The following NDST2 variants were observed in gnomAD, a reference collection of about 807,000 sequenced individuals.
NDST2 encodes bifunctional heparan sulfate N-deacetylase/N-sulfotransferase 2.
A neutral mutation model predicts 86.9 loss-of-function variants in NDST2; 32 were observed. The observed-to-expected ratio is 0.37, with a 90% CI of 0.28 to 0.49. NDST2 has a LOEUF of 0.49. Ranked by LOEUF, NDST2 falls within the 20% of genes least tolerant of loss-of-function variation. The pLI is 0.97. For missense variants in NDST2, 950 were observed against 1,146.9 expected, an observed-to-expected ratio of 0.83 and a Z score of 2.48; for synonymous variants, 409 against 437.0, an observed-to-expected ratio of 0.94 and a Z score of 0.80.
Position 73,807,893 on chromosome 10 carries a change from C to T in NDST2, c.496G>A (p.Val166Met). The change falls in exon 3 of 15, where the codon GTG becomes ATG. Residue 166 changes from valine to methionine, a missense_variant. By Grantham distance (21) the Val-to-Met change is conservative (BLOSUM62 1). Transcript: ENST00000309979. Reference sequence around the variant, plus strand: ...GCTCGGAAAAAGCCAATGATGCCCACACCATACTCCACGCAGTACCGGTCT... The same window carrying T: ...GCTCGGAAAAAGCCAATGATGCCCATACCATACTCCACGCAGTACCGGTCT... ...LLDRYCVEYG[V>M]GIIGFFRAHE... 1 of 1,614,172 alleles carries T rather than the reference C, an allele frequency of 6.2e-7. No individual in the cohort carries two copies. The highest frequency in any genetic ancestry group is 8.5e-7 in the Non-Finnish European group (1 of 1,180,018).
intron 2 of NDST2, 162 bp downstream of exon 2, chr10:73,810,637 C>T (rs550952759): frequency 7.7e-6 from 3 of 390,102 alleles, no homozygotes; most frequent in Non-Finnish European, 1.4e-5. Flanking sequence ...GAAGTTGATA[C>T]TCAGGGTGTA....
At position 73,806,448 on chromosome 10, in the gene NDST2, C is replaced by T. The variant is rs750801095; in HGVS notation, c.1275G>A (p.Gly425=). The T allele has an allele frequency of 1.9e-6, 3 of 1,601,146 alleles. No homozygotes were observed. Among genetic ancestry groups the T allele is most frequent in the Non-Finnish European group, 2.6e-6 (3 of 1,172,086 alleles). The change falls in exon 6 of 15, where the codon GGG becomes GGA. Residue 425 remains glycine, a synonymous_variant. Transcript: ENST00000309979. This position sits in a 1 kb window ranked among gnomAD's most constrained non-coding sequence, Gnocchi z 4.5. The stretch of plus-strand genomic sequence containing the variant: ...CCGAGTGGTGGGGGGCCACAGCATA[C>T]CCCAGGTCCGTGGGAATCCCATGCT... The part of the protein sequence containing the change: ...ALEHGIPTDL[G]YAVAPHHSGV...
intron 1 of NDST2, 64 bp from the exon 2 acceptor site, chr10:73,810,967 A>C (rs1259146051): frequency 1.5e-5 from 6 of 396,070 alleles, no homozygotes; most frequent in Non-Finnish European, 8.9e-6. Flanking sequence ...GCCAGTGAAC[A>C]CTGAGGGCCA....
Position 73,803,682 on chromosome 10 carries a change from G to C in NDST2, c.2034C>G (p.Thr678=), listed in dbSNP as rs747507561. The C allele has an allele frequency of 4.1e-5, 66 of 1,614,032 alleles. No individual in the cohort carries two copies. The highest frequency in any genetic ancestry group is 5.3e-5 in the Non-Finnish European group (62 of 1,180,046). ...GTGGTACAACTTCAGAGTCAAAGTA[G>C]GTGGCACTTTTTTCAAATAGGAAAT... The part of the protein sequence containing the change: ...STDFLFEKSA[T]YFDSEVVPRR... Residue 678 remains threonine (T), a synonymous_variant, in exon 11 of 15, where the codon ACC becomes ACG. Coordinates refer to ENST00000309979, the MANE Select transcript of NDST2 (RefSeq NM_003635.4).
At chr10:73,810,604 T>G (rs1423385989) in intron 2 of NDST2, 195 bp downstream of exon 2, 5 of 387,170 alleles carry the variant, frequency 1.3e-5, no homozygotes, top group Non-Finnish European at 2.3e-5. Flanking sequence ...GAGAAAACAT[T>G]GTAGTGAGGA....
In NDST2 at chr10:73,807,630, T is replaced by C; in HGVS notation, c.759A>G (p.Pro253=). The C allele has an allele frequency of 6.2e-7, 1 of 1,614,240 alleles. No homozygotes were observed. Among genetic ancestry groups the C allele is most frequent in the Non-Finnish European group, 8.5e-7 (1 of 1,180,036 alleles). ...ASLRPAEPAV[P]GPVLRRARLP... is the part of the protein sequence containing the mutation. ...GCCGGGCCCGACGAAGAACTGGTCC[T>C]GGCACTGCGGGCTCAGCTGGCCGAA... The change falls in exon 3 of 15, where the codon CCA becomes CCG. Residue 253 remains proline (P), a synonymous_variant. Coordinates refer to ENST00000309979, the MANE Select transcript of NDST2 (RefSeq NM_003635.4).
chr10:73,808,517 GT>G lies in NDST2; in HGVS notation c.-130del, dbSNP rs1224876842. ...TAGGGGACAGGGATTCCCTTGGGGA[GT>G]TTCCTTTACGAGGTGGAGACGAGTC... On this transcript the variant is annotated 5_prime_UTR_variant, in exon 3 of 15. Coordinates refer to ENST00000309979, the MANE Select transcript of NDST2 (RefSeq NM_003635.4). The surrounding 1 kb of genome is among the most constrained non-coding windows in gnomAD (Gnocchi z 4.3). 5 of 974,808 alleles carry G rather than the reference GT, an allele frequency of 5.1e-6. No individual in the cohort carries two copies. In the African/African-American group the frequency reaches 8.2e-5, roughly 16 times the overall value. 60.4% of individuals were successfully genotyped at this position (974,808 alleles called of 1,614,324 possible).
At position 73,802,117 on chromosome 10, in the gene NDST2, A is replaced by G. The variant is rs1210431405; in HGVS notation, c.*334T>C. The G allele has an allele frequency of 7.3e-6, 3 of 412,978 alleles. No homozygotes were observed. The highest frequency in any genetic ancestry group is 4.0e-5 in the African/African-American group (2 of 49,596). The allele number at this position is 412,978 out of a possible 1,614,324, so 25.6% of individuals were successfully genotyped here. A position where few individuals can be genotyped will look rare whatever the true frequency, so the allele number is the denominator to read the frequency against. ...CAAGGGGTCTCTCCCATAGCCAGGTATAGAATAGATACACTGCTGCGGATG... is the reference window on the plus strand; with the variant it reads ...CAAGGGGTCTCTCCCATAGCCAGGTGTAGAATAGATACACTGCTGCGGATG... On this transcript the variant is annotated 3_prime_UTR_variant, in exon 15 of 15. Transcript: ENST00000309979.
In NDST2 at chr10:73,802,394, C is replaced by G. The variant is rs766399582; in HGVS notation, c.*57G>C. The G allele has an allele frequency of 4.4e-6, 7 of 1,606,846 alleles. No homozygotes were observed. The highest frequency in any genetic ancestry group is 5.9e-6 in the Non-Finnish European group (7 of 1,177,108). On this transcript the variant is annotated 3_prime_UTR_variant, in exon 15 of 15. Transcript: ENST00000309979. ...TCTAATCCCCCTTGTGGGCCCTGCT[C>G]TGGACCTGCCCCTTAGGGAAGCAGG...
Position 73,804,060 on chromosome 10 carries a change from G to C in NDST2, c.1844-44C>G, listed in dbSNP as rs753252810. 17 of 1,605,720 alleles carry C rather than the reference G, an allele frequency of 1.1e-5. 1 individual carries two copies. In the South Asian group the frequency reaches 1.8e-4, roughly 17 times the overall value. Reference sequence around the variant, plus strand: ...CCAGCTTCAGGCAGCCATTGTGGGAGGGAAGCCAGCTCAACAGCATAAGCT... The same window carrying C: ...CCAGCTTCAGGCAGCCATTGTGGGACGGAAGCCAGCTCAACAGCATAAGCT... On this transcript the variant is annotated intron_variant, in intron 9 of 14. Transcript: ENST00000309979.
At position 73,802,975 on chromosome 10, in the gene NDST2, AGGG is replaced by A; in HGVS notation, c.2417_2419del (p.Thr806_Leu807delinsIle). 6.2e-7 allele frequency: 1 copy of A among 1,614,000 alleles called. No homozygotes were observed. The highest frequency in any genetic ancestry group is 8.5e-7 in the Non-Finnish European group (1 of 1,179,902). ...CCCCTGGGTCATGCTCTCCCACCTG[AGGG>A]TCCGTGTGTAGTTCAGAAAGGGTGT... On this transcript the variant is annotated inframe_deletion, in exon 13 of 15. Coordinates refer to ENST00000309979, the MANE Select transcript of NDST2 (RefSeq NM_003635.4).
chr10:73,803,517 T>TGGGGGGGGGGCGGG, intron 11 of NDST2, 57 bp downstream of exon 11: 1 of 1,189,314 alleles, frequency 8.4e-7, no homozygotes, highest in Non-Finnish European at 1.2e-6. Flanking sequence ...TAGCAGTCAC[T>TGGGGGGGGGGCGGG]GTCCCCTCCC....
Position 73,807,769 on chromosome 10 carries a change from G to T in NDST2, c.620C>A (p.Pro207Gln). The change falls in exon 3 of 15, where the codon CCG (proline) becomes CAG (glutamine). Residue 207 changes from proline (P) to glutamine (Q), a missense_variant. Transcript: ENST00000309979. ...LRDYQVNPSAPLLHLTRPSRL... is the reference protein window; with the variant it reads ...LRDYQVNPSAQLLHLTRPSRL... ...GCTGGGGCGTGTGAGATGCAGTAGC[G>T]GGGCAGAAGGATTCACTTGGTAGTC... The T allele has an allele frequency of 6.2e-7, 1 of 1,614,164 alleles. No individual in the cohort carries two copies. Among genetic ancestry groups the T allele is most frequent in the Non-Finnish European group, 8.5e-7 (1 of 1,180,034 alleles).
At position 73,805,711 on chromosome 10, in the gene NDST2, G is replaced by A. The variant is rs752440329; in HGVS notation, c.1622C>T (p.Thr541Ile). The change falls in exon 8 of 15, where the codon ACC becomes ATC. Residue 541 changes from threonine (T) to isoleucine (I), a missense_variant. Physicochemically the swap from Thr to Ile is moderately conservative, Grantham distance 89. Around this residue, in one of 5 missense-constraint regions of NDST2, gnomAD observed 586 missense variants for 714.0 expected, o/e 0.82. Coordinates refer to ENST00000309979, the MANE Select transcript of NDST2 (RefSeq NM_003635.4). ...NYGNDRLGLYTFESLVRFLQC... is the reference protein window; with the variant it reads ...NYGNDRLGLYIFESLVRFLQC... ...GAGGAAGCGCACCAAGCTCTCAAAG[G>A]TGTATAGGCCCAGCCGGTCATTTCC... 4 of 1,614,204 alleles carry A rather than the reference G, an allele frequency of 2.5e-6. No homozygotes were observed. The highest frequency in any genetic ancestry group is 3.4e-6 in the Non-Finnish European group (4 of 1,180,038).
In NDST2 at chr10:73,803,310, T is replaced by C. The variant is rs764006236; in HGVS notation, c.2192A>G (p.Gln731Arg). ...DPVALNYTFY[Q>R]VISASSQTPL... is the part of the protein sequence containing the mutation. ...GGTCTGGGAGGAGGCTGAAATCACC[T>C]GATAGAAGGTATAGTTCAGAGCAAC... Residue 731 changes from glutamine (Q) to arginine (R), a missense_variant, in exon 12 of 15, where the codon CAG (glutamine) becomes CGG (arginine). This residue lies in a region of NDST2 where 303 missense variants were observed against 323.7 expected (regional missense o/e 0.94). Coordinates refer to ENST00000309979, the MANE Select transcript of NDST2 (RefSeq NM_003635.4). 11 of 1,614,038 alleles carry C rather than the reference T, an allele frequency of 6.8e-6. No homozygotes were observed. Among genetic ancestry groups the C allele is most frequent in the African/African-American group, 2.7e-5 (2 of 74,900 alleles).
At position 73,806,520 on chromosome 10, in the gene NDST2, A is replaced by T; in HGVS notation, c.1249-46T>A. The T allele has an allele frequency of 6.4e-7, 1 of 1,552,258 alleles. No homozygotes were observed. The highest frequency in any genetic ancestry group is 8.7e-7 in the Non-Finnish European group (1 of 1,145,536). On this transcript the variant is annotated intron_variant, in intron 5 of 14. Transcript: ENST00000309979. This position sits in a 1 kb window ranked among gnomAD's most constrained non-coding sequence, Gnocchi z 4.5. ...CACCAGGACCTGGTGAGGTTTGGGGAGTAGAGGGTAAAGAGGGTGGGGAAG... is the reference window on the plus strand; with the variant it reads ...CACCAGGACCTGGTGAGGTTTGGGGTGTAGAGGGTAAAGAGGGTGGGGAAG...
At position 73,808,360 on chromosome 10, in the gene NDST2, G is replaced by A. The variant is rs1424073462; in HGVS notation, c.29C>T (p.Pro10Leu). MLQLWKVVRPARQLELHRLI... is the reference protein window; with the variant it reads MLQLWKVVRLARQLELHRLI... The stretch of plus-strand genomic sequence containing the variant: ...GCGGTGCAGTTCCAGCTGCCGAGCT[G>A]GGCGTACCACCTTCCACAACTGGAG... The change falls in exon 3 of 15, where the codon CCA (proline) becomes CTA (leucine). Residue 10 changes from proline (P) to leucine (L), a missense_variant. Transcript: ENST00000309979. The surrounding 1 kb of genome is among the most constrained non-coding windows in gnomAD (Gnocchi z 4.3). 3 of 1,596,136 alleles carry A rather than the reference G, an allele frequency of 1.9e-6. No individual in the cohort carries two copies. The highest frequency in any genetic ancestry group is 2.6e-6 in the Non-Finnish European group (3 of 1,170,998).
Position 73,807,799 on chromosome 10 carries a change from A to G in NDST2, c.590T>C (p.Leu197Pro). The G allele has an allele frequency of 6.2e-7, 1 of 1,614,148 alleles. No individual in the cohort carries two copies. Among genetic ancestry groups the G allele is most frequent in the East Asian group, 2.2e-5 (1 of 44,884 alleles). The change falls in exon 3 of 15, where the codon CTC becomes CCC. Residue 197 changes from leucine to proline, a missense_variant. By Grantham distance (98) the Leu-to-Pro change is moderately conservative. This residue lies in a region of NDST2 where 586 missense variants were observed against 714.0 expected (regional missense o/e 0.82). Transcript: ENST00000309979. ...FPLFLHSNLG[L>P]RDYQVNPSAP... ...AGAAGGATTCACTTGGTAGTCCCGG[A>G]GCCCCAAGTTTGAGTGTAAAAAAAG...
At position 73,802,477 on chromosome 10, in the gene NDST2, C is replaced by G. The variant is rs538649961; in HGVS notation, c.2626G>C (p.Glu876Gln). The G allele has an allele frequency of 6.2e-7, 1 of 1,613,430 alleles. No homozygotes were observed. Among genetic ancestry groups the G allele is most frequent in the South Asian group, 1.1e-5 (1 of 91,052 alleles). The change falls in exon 15 of 15, where the codon GAA becomes CAA. Residue 876 changes from glutamate to glutamine, a missense_variant. Transcript: ENST00000309979. ...CAGCCCAGACTGGAATGCTGCAGTT[C>G]TTCCCGAAGCCACGAGGGCACTGGC... ...GQPVPSWLRE[E>Q]LQHSSLG
Sources: allele counts gnomAD v4.1 joint callset, GRCh38; gene constraint gnomAD v4.1.1; regional missense constraint gnomAD v4.1.1; non-coding constraint Gnocchi (gnomAD v3.1); transcripts MANE v1.5; gene names NCBI Gene and HGNC (gene_info 2026-07-23, HGNC 2026-07-21).